Variants in ANAPC1 observed in about 807,000 individuals in gnomAD.
The protein encoded by ANAPC1 is anaphase promoting complex subunit 1.
A neutral mutation model predicts 208.0 loss-of-function variants in ANAPC1; 36 were observed. That is an observed-to-expected ratio of 0.17 (90% confidence interval 0.13 to 0.23). The LOEUF (loss-of-function observed/expected upper bound fraction) is 0.23. Ranked by LOEUF, ANAPC1 falls within the 10% of genes least tolerant of loss-of-function variation. ANAPC1 has a pLI of 1.00. For missense variants in ANAPC1, 942 were observed against 2,011.6 expected, an observed-to-expected ratio of 0.47 and a Z score of 10.17; for synonymous variants, 378 against 695.2, an observed-to-expected ratio of 0.54 and a Z score of 7.18.
chr2:111,881,107 C>T (rs1683275827), intron 1 of ANAPC1, among the ~76,000 whole-genome samples: 1 of 151,444 alleles, frequency 6.6e-6, no homozygotes, highest in Non-Finnish European at 1.5e-5. Context: ...TCCCGCACCA[C>T]CTATCCCGTG....
intron 37 of ANAPC1, among the ~76,000 whole-genome samples, chr2:111,793,438 T>G (rs2104533445): frequency 6.6e-6 from 1 of 152,138 alleles, no homozygotes; most frequent in South Asian, 2.1e-4. Flanking sequence ...TTGCCCAGGC[T>G]GATCTCAACC....
At chr2:111,791,591 C>A (rs535060243) in intron 38 of ANAPC1, among the ~76,000 whole-genome samples, 1 of 152,164 alleles carries the variant, frequency 6.6e-6, no homozygotes, top group East Asian at 1.9e-4. Context: ...CTTGAATAAT[C>A]CATTGCTACA....
At chr2:111,800,290 T>G (rs1024963219) in intron 34 of ANAPC1, among the ~76,000 whole-genome samples, 1 of 143,402 alleles carries the variant, frequency 7.0e-6, no homozygotes, top group South Asian at 2.3e-4. Context: ...CCACTAGACA[T>G]GGACAGTTGT....
At chr2:111,839,028 T>C (rs1160191612) in intron 17 of ANAPC1, among the ~76,000 whole-genome samples, 1 of 152,190 alleles carries the variant, frequency 6.6e-6, no homozygotes, top group Non-Finnish European at 1.5e-5. Flanking sequence ...CATACATACG[T>C]CTGCCTCCTT....
intron 10 of ANAPC1, among the ~76,000 whole-genome samples, chr2:111,860,797 AT>A (rs36053499): frequency 0.074 from 11,180 of 151,668 alleles, 522 homozygotes; most frequent in South Asian, 0.2. Flanking sequence ...ACACCACTGG[AT>A]TTTAACTATT....
chr2:111,883,003 T>G (rs1002638667), intron 1 of ANAPC1, among the ~76,000 whole-genome samples: 1 of 151,496 alleles, frequency 6.6e-6, no homozygotes, highest in South Asian at 2.1e-4. Flanking sequence ...CCATCTCTAC[T>G]AAAAATACAA....
rs779516102 is a variant in ANAPC1 at position 111,782,379 on chromosome 2, C to T, written c.5192G>A (p.Arg1731Gln). 9 of 1,612,726 alleles carry T rather than the reference C, an allele frequency of 5.6e-6. No individual in the cohort carries two copies. Among genetic ancestry groups the T allele is most frequent in the African/African-American group, 2.7e-5 (2 of 74,762 alleles). ...AATCAATAATACTACCTTGAAAGCCCGGGCTTCAGAGTTCCTGTTAGCAAC... is the reference window on the plus strand; with the variant it reads ...AATCAATAATACTACCTTGAAAGCCTGGGCTTCAGAGTTCCTGTTAGCAAC... ...QTVANRNSEARAFKPETISAF... is the reference protein window; with the variant it reads ...QTVANRNSEAQAFKPETISAF... The change falls in exon 43 of 48, where the codon CGG becomes CAG. Residue 1731 changes from arginine (R) to glutamine (Q), a missense_variant. By Grantham distance (43) the Arg-to-Gln change is conservative. Transcript: ENST00000341068.
intron 46 of ANAPC1, among the ~76,000 whole-genome samples, chr2:111,775,212 G>A (rs1483009487): frequency 2.0e-5 from 3 of 152,218 alleles, no homozygotes; most frequent in African/African-American, 7.2e-5. Context: ...GTTGCAGTGA[G>A]CTGAGATCGC....
intron 38 of ANAPC1, among the ~76,000 whole-genome samples, chr2:111,791,573 CACTGAA>C (rs1677876180): frequency 6.6e-6 from 1 of 152,114 alleles, no homozygotes; most frequent in African/African-American, 2.4e-5. Context: ...TGTAATACAA[CACTGAA>C]ACTTGAATAA....
intron 16 of ANAPC1, among the ~76,000 whole-genome samples, chr2:111,845,793 T>G (rs1446509477): frequency 6.6e-6 from 1 of 151,764 alleles, no homozygotes; most frequent in African/African-American, 2.4e-5. Context: ...GCTAACACAG[T>G]GAAACCCCGT....
intron 46 of ANAPC1, among the ~76,000 whole-genome samples, chr2:111,776,002 A>G (rs564070974): frequency 1.3e-5 from 2 of 152,206 alleles, no homozygotes; most frequent in African/African-American, 4.8e-5. Flanking sequence ...TTTACAATTT[A>G]ATTTTTTTCA....
intron 6 of ANAPC1, among the ~76,000 whole-genome samples, chr2:111,871,733 C>A (rs1308686016): frequency 4.6e-5 from 7 of 152,044 alleles, no homozygotes; most frequent in Non-Finnish European, 8.8e-5. Context: ...GACTGGGCAA[C>A]AAGAGCAAAA....
At chr2:111,796,694 T>TA (rs930622551) in intron 34 of ANAPC1, among the ~76,000 whole-genome samples, 6 of 134,298 alleles carry the variant, frequency 4.5e-5, no homozygotes, top group African/African-American at 1.8e-4. Flanking sequence ...ACATATGCCC[T>TA]AAGTTCAAAC....
intron 10 of ANAPC1, among the ~76,000 whole-genome samples, chr2:111,859,033 G>A (rs190102517): frequency 1.3e-5 from 2 of 152,242 alleles, no homozygotes; most frequent in East Asian, 1.9e-4. Flanking sequence ...CCACCTACTT[G>A]TAAAGTAATG....
intron 24 of ANAPC1, among the ~76,000 whole-genome samples, chr2:111,824,098 CA>C (rs1679694107): frequency 6.7e-6 from 1 of 150,212 alleles, no homozygotes; most frequent in Non-Finnish European, 1.5e-5. Context: ...ACTATTGAGG[CA>C]AAAAATGTTT....
intron 39 of ANAPC1, among the ~76,000 whole-genome samples, 164 bp from the exon 40 acceptor site, chr2:111,785,641 A>G (rs1288180717): frequency 1.3e-5 from 2 of 151,466 alleles, no homozygotes; most frequent in Non-Finnish European, 3.0e-5. Context: ...AGTAATGGAG[A>G]AATTATCTTT....
intron 44 of ANAPC1, chr2:111,779,859 C>A: frequency 4.4e-6 from 1 of 229,814 alleles, no homozygotes; most frequent in Non-Finnish European, 8.6e-6. Flanking sequence ...AAACAAAAAA[C>A]AAAAAAATAA....
In ANAPC1 at chr2:111,847,179, A is replaced by G. The variant is rs755314589; in HGVS notation, c.1811T>C (p.Met604Thr). ...AATTTCAGGAATAGTGATCCTAACC[A>G]TGGAGCCATTACTCAGTTCCTAGAT... ...RVTLELSNGSMVRITIPEIAT... is the reference protein window; with the variant it reads ...RVTLELSNGSTVRITIPEIAT... The change falls in exon 16 of 48, where the codon ATG becomes ACG. Residue 604 changes from methionine to threonine, a missense_variant. Met to Thr is a moderately conservative substitution (Grantham distance 81). Transcript: ENST00000341068. 1.2e-6 allele frequency: 2 copies of G among 1,610,808 alleles called. No homozygotes were observed. Among genetic ancestry groups the G allele is most frequent in the Non-Finnish European group, 1.7e-6 (2 of 1,179,180 alleles).
intron 3 of ANAPC1, among the ~76,000 whole-genome samples, chr2:111,875,415 C>T (rs1326143837): frequency 1.2e-4 from 18 of 152,116 alleles, no homozygotes; most frequent in Non-Finnish European, 2.2e-4. Context: ...GATGAAATCC[C>T]ATCCTCTCAG....
Sources: gnomAD v4.1 joint callset for allele counts (sites outside exome capture counted in the v4.1 genomes callset) on GRCh38, gnomAD v4.1.1 for gene constraint, MANE v1.5 for transcripts, NCBI Gene and HGNC (gene_info 2026-07-23, HGNC 2026-07-21) for gene names.